The following MAPRE3 variants were observed in gnomAD, a reference collection of about 807,000 sequenced individuals.
MAPRE3 encodes the protein microtubule-associated protein RP/EB family member 3.
MAPRE3 carries 2 observed loss-of-function variants against 30.5 expected under a neutral mutation model. The observed-to-expected ratio is 0.07, with a 90% CI of 0.03 to 0.21. MAPRE3 has a LOEUF of 0.21. Ranked by LOEUF, MAPRE3 falls within the 10% of genes least tolerant of loss-of-function variation. MAPRE3 has a pLI of 1.00. For synonymous variants in MAPRE3, 110 were observed against 127.7 expected (o/e 0.86, Z 0.93); for missense variants, 204 against 351.8 (o/e 0.58, Z 3.36).
intron 1 of MAPRE3, among the ~76,000 whole-genome samples, chr2:26,993,042 G>A (rs1287033283): frequency 1.3e-5 from 2 of 152,112 alleles, no homozygotes; most frequent in Non-Finnish European, 2.9e-5. Flanking sequence ...TACCATGCAT[G>A]TTTTAACTGG....
At position 27,025,578 on chromosome 2, in the gene MAPRE3, G is replaced by C; in HGVS notation, c.470-5G>C. 6.4e-7 allele frequency: 1 copy of C among 1,565,980 alleles called. No individual in the cohort carries two copies. Among genetic ancestry groups the C allele is most frequent in the Non-Finnish European group, 8.6e-7 (1 of 1,157,860 alleles). Reference sequence around the variant, plus strand: ...GGACTTACCTGACTCTTTTCCTCTGGGCAGTTCCACAGAGGACGTCCCCCA... The same window carrying C: ...GGACTTACCTGACTCTTTTCCTCTGCGCAGTTCCACAGAGGACGTCCCCCA... On this transcript the variant is annotated splice_region_variant and splice_polypyrimidine_tract_variant and intron_variant, in intron 4 of 6. Transcript: ENST00000233121.
chr2:26,999,438 A>G (rs548825251), intron 1 of MAPRE3, among the ~76,000 whole-genome samples: 1 of 151,490 alleles, frequency 6.6e-6, no homozygotes, highest in East Asian at 1.9e-4. Context: ...CAAGAGAGGC[A>G]GGATTAGGGT....
At position 27,018,524 on chromosome 2, in the gene MAPRE3, T is replaced by A. The variant is rs1473169486; in HGVS notation, c.-7-3688T>A. ...CACACTTTGGGGCATTTGGTTATAC[T>A]GTTCTCATGTGTGCATTACTCTCCC... On this transcript the variant is annotated intron_variant, in intron 1 of 6. Coordinates refer to ENST00000233121, the MANE Select transcript of MAPRE3 (RefSeq NM_012326.4). Among the ~76,000 whole-genome samples the A allele has an allele frequency of 2.6e-5, 4 of 152,348 alleles. No individual in the cohort carries two copies. In the East Asian group the frequency reaches 7.7e-4, roughly 29 times the overall value.
chr2:27,007,187 T>C (rs933410960), intron 1 of MAPRE3, among the ~76,000 whole-genome samples: 2 of 152,246 alleles, frequency 1.3e-5, no homozygotes, highest in Non-Finnish European at 2.9e-5. Context: ...TTCGTCTATA[T>C]CTTGCATGTA....
intron 1 of MAPRE3, among the ~76,000 whole-genome samples, chr2:26,979,718 C>T (rs550189626): frequency 3.3e-5 from 5 of 152,150 alleles, no homozygotes; most frequent in East Asian, 3.9e-4. Flanking sequence ...AAGGAATGGC[C>T]GTGGGAAGGG....
chr2:27,003,743 C>G (rs530640592), intron 1 of MAPRE3, among the ~76,000 whole-genome samples: 1 of 152,298 alleles, frequency 6.6e-6, no homozygotes, highest in East Asian at 1.9e-4. Context: ...AAATCAGTCC[C>G]TCACACAACT....
chr2:27,010,528 C>T (rs1300282121), intron 1 of MAPRE3, among the ~76,000 whole-genome samples: 2 of 149,084 alleles, frequency 1.3e-5, no homozygotes, highest in African/African-American at 4.9e-5. Context: ...CTGCAACCTC[C>T]ACCTCCCGGG....
intron 1 of MAPRE3, among the ~76,000 whole-genome samples, chr2:26,997,278 TG>T (rs1666482884): frequency 6.6e-6 from 1 of 152,158 alleles, no homozygotes; most frequent in Non-Finnish European, 1.5e-5. Context: ...CCGCAGCCCA[TG>T]GGTCGCATGC....
chr2:26,971,146 A>C (rs1440072707), intron 1 of MAPRE3, among the ~76,000 whole-genome samples: 1 of 151,882 alleles, frequency 6.6e-6, no homozygotes, highest in Non-Finnish European at 1.5e-5. Flanking sequence ...GTCCGCCCTT[A>C]TCCCTTCTCC....
At chr2:26,989,636 G>C (rs893109501) in intron 1 of MAPRE3, among the ~76,000 whole-genome samples, 1 of 151,456 alleles carries the variant, frequency 6.6e-6, no homozygotes, top group Admixed American at 6.6e-5. Flanking sequence ...CTGGTGTAGA[G>C]GAGGGTGCTA....
chr2:26,972,498 T>C (rs1224450520), intron 1 of MAPRE3, among the ~76,000 whole-genome samples: 2 of 152,208 alleles, frequency 1.3e-5, no homozygotes, highest in Non-Finnish European at 2.9e-5. Context: ...TTCTTCTGTT[T>C]CGAATGCCAG....
chr2:26,971,350 C>T (rs1665912366), intron 1 of MAPRE3, among the ~76,000 whole-genome samples: 1 of 152,244 alleles, frequency 6.6e-6, no homozygotes. Context: ...CAGGTCTGGA[C>T]AGTTCTCACT....
At chr2:27,024,890 C>T (rs2148230365) in intron 4 of MAPRE3, among the ~76,000 whole-genome samples, 1 of 152,298 alleles carries the variant, frequency 6.6e-6, no homozygotes, top group South Asian at 2.1e-4. Flanking sequence ...CAGCCCGCGT[C>T]GGACCCCGTC....
chr2:27,012,524 G>A (rs983417964), intron 1 of MAPRE3: 2 of 152,324 alleles, frequency 1.3e-5, no homozygotes, highest in African/African-American at 4.8e-5. Context: ...CCACAAGAGT[G>A]GCATTTCTGG....
chr2:27,005,888 C>T (rs997777561), intron 1 of MAPRE3, among the ~76,000 whole-genome samples: 3 of 152,154 alleles, frequency 2.0e-5, no homozygotes, highest in East Asian at 1.9e-4. Flanking sequence ...GACCTTAAAA[C>T]CAAGAGTGTG....
At chr2:26,979,231 C>A (rs1455098101) in intron 1 of MAPRE3, among the ~76,000 whole-genome samples, 1 of 152,180 alleles carries the variant, frequency 6.6e-6, no homozygotes, top group Admixed American at 6.5e-5. Context: ...ACTGGTACTA[C>A]AGAGTCTAAA....
intron 1 of MAPRE3, among the ~76,000 whole-genome samples, chr2:26,988,312 A>G (rs1666261171): frequency 6.6e-6 from 1 of 152,150 alleles, no homozygotes; most frequent in South Asian, 2.1e-4. Context: ...CCTAGTCTCT[A>G]GCTTGTTTTT....
chr2:27,024,601 C>T (rs1667193895), intron 4 of MAPRE3, among the ~76,000 whole-genome samples: 1 of 152,236 alleles, frequency 6.6e-6, no homozygotes. Context: ...GATGATGGGG[C>T]AGCAAGGTGG....
At chr2:26,996,318 C>T (rs930593573) in intron 1 of MAPRE3, among the ~76,000 whole-genome samples, 4 of 151,850 alleles carry the variant, frequency 2.6e-5, no homozygotes, top group Non-Finnish European at 5.9e-5. Flanking sequence ...CCTTGCCCCA[C>T]TAATCTTTTT....
Sources: allele counts gnomAD v4.1 joint callset (sites outside exome capture counted in the v4.1 genomes callset), GRCh38; gene constraint gnomAD v4.1.1; transcripts MANE v1.5; gene names NCBI Gene and HGNC (gene_info 2026-07-23, HGNC 2026-07-21).